Variants in CAMSAP3 observed in about 807,000 individuals in gnomAD.
CAMSAP3 encodes the protein calmodulin regulated spectrin associated protein family member 3.
A neutral mutation model predicts 112.5 loss-of-function variants in CAMSAP3; 34 were observed. That is an observed-to-expected ratio of 0.30 (90% CI 0.23 to 0.40). CAMSAP3 has a LOEUF of 0.40. Among genes scored for constraint, CAMSAP3 ranks in the 10% least tolerant of loss-of-function variants. CAMSAP3 has a pLI of 1.00. For synonymous variants in CAMSAP3, 868 were observed against 799.8 expected, an observed-to-expected ratio of 1.09 and a Z score of -1.44; for missense variants, 1,602 against 1,770.3, an observed-to-expected ratio of 0.90 and a Z score of 1.71.
At chr19:7,601,192 TA>T (rs1243898360) in intron 1 of CAMSAP3, among the ~76,000 whole-genome samples, 1 of 152,222 alleles carries the variant, frequency 6.6e-6, no homozygotes, top group Non-Finnish European at 1.5e-5. Flanking sequence ...GATTACATGT[TA>T]AAATAAGAGT....
rs1239121951 is a variant in CAMSAP3 at position 7,612,920 on chromosome 19, C to T, written c.2427C>T (p.His809=). 2 of 1,610,028 alleles carry T rather than the reference C, an allele frequency of 1.2e-6. No homozygotes were observed. The highest frequency in any genetic ancestry group is 1.1e-5 in the South Asian group (1 of 90,886). The part of the protein sequence containing the change: ...TPPHDVDSLP[H]LRKFSPSQVP... ...CCCACGACGTAGACAGCCTCCCCCA[C>T]CTGCGCAAGTTCTCGCCGAGCCAGG... Residue 809 remains histidine, a synonymous_variant, in exon 11 of 17, where the codon CAC becomes CAT. Transcript: ENST00000160298.
Position 7,611,442 on chromosome 19 carries a change from G to A in CAMSAP3, c.1124-75G>A. The A allele has an allele frequency of 7.1e-7, 1 of 1,408,610 alleles. No individual in the cohort carries two copies. The highest frequency in any genetic ancestry group is 9.7e-7 in the Non-Finnish European group (1 of 1,032,022). 87.3% of individuals were successfully genotyped at this position (1,408,610 alleles called of 1,614,324 possible). ...TGACTCACCCAATGACCTTGCAGAG[G>A]TTGTCCCCAGATGCTGGCTGACCCC... On this transcript the variant is annotated intron_variant, in intron 9 of 16. Coordinates refer to ENST00000160298, the MANE Select transcript of CAMSAP3 (RefSeq NM_020902.2). The surrounding 1 kb of genome is among the most constrained non-coding windows in gnomAD (Gnocchi z 6.9).
At position 7,617,293 on chromosome 19, in the gene CAMSAP3, CCCCACCTCCATCCCATCCTTCT is replaced by C; in HGVS notation, c.3213-27_3213-6del. Reference sequence around the variant, plus strand: ...TGACCCCACCTCCATCCCATCCTGACCCCACCTCCATCCCATCCTTCTCCCACTGCAGGGCTCCCTCCCCGTC... The same window carrying C: ...TGACCCCACCTCCATCCCATCCTGACCCCACTGCAGGGCTCCCTCCCCGTC... On this transcript the variant is annotated splice_polypyrimidine_tract_variant and intron_variant, in intron 14 of 16. Transcript: ENST00000160298. The surrounding 1 kb of genome is among the most constrained non-coding windows in gnomAD (Gnocchi z 7.5). 6.7e-7 allele frequency: 1 copy of C among 1,497,468 alleles called. No homozygotes were observed. Among genetic ancestry groups the C allele is most frequent in the African/African-American group, 1.4e-5 (1 of 72,726 alleles). The allele number at this position is 1,497,468 out of a possible 1,614,324, so 92.8% of individuals were successfully genotyped here. A position where few individuals can be genotyped will look rare whatever the true frequency, so the allele number is the denominator to read the frequency against.
In CAMSAP3 at chr19:7,615,399, G is replaced by A. The variant is rs905366216; in HGVS notation, c.2811-19G>A. 1.9e-6 allele frequency: 3 copies of A among 1,538,722 alleles called. No individual in the cohort carries two copies. Among genetic ancestry groups the A allele is most frequent in the Admixed American group, 2.0e-5 (1 of 50,276 alleles). On this transcript the variant is annotated intron_variant, in intron 12 of 16. Transcript: ENST00000160298. This position sits in a 1 kb window ranked among gnomAD's most constrained non-coding sequence, Gnocchi z 6.5. ...GGACCCCGTGAGCGGTTCTGATGCC[G>A]ATTCCCTGTGATCTGCAGGCTGGCC...
At chr19:7,616,403 A>C in intron 13 of CAMSAP3, 120 bp from the exon 14 acceptor site, 1 of 731,398 alleles carries the variant, frequency 1.4e-6, no homozygotes, top group Non-Finnish European at 2.4e-6. Flanking sequence ...GGTGCTGCAG[A>C]GGGCCGAGGG....
chr19:7,597,705 G>A (rs907787301), intron 1 of CAMSAP3, among the ~76,000 whole-genome samples: 2 of 152,210 alleles, frequency 1.3e-5, no homozygotes, highest in African/African-American at 4.8e-5. Context: ...ACGGTTGCTC[G>A]CTGCTGGTGT....
In CAMSAP3 at chr19:7,618,078, GGCCGGGCCCTGTGTGCTGCGGCC is replaced by G. The variant is rs1568451173; in HGVS notation, c.*25_*47del. ...AATAGCCCCACCCGGGCGGTCCACG[GGCCGGGCCCTGTGTGCTGCGGCC>G]GCCATCCCCTGGAGGACAGTCAGTC... is the stretch of plus-strand genomic sequence containing the variant. On this transcript the variant is annotated 3_prime_UTR_variant, in exon 17 of 17. Transcript: ENST00000160298. 1 of 1,600,718 alleles carries G rather than the reference GGCCGGGCCCTGTGTGCTGCGGCC, an allele frequency of 6.2e-7. No homozygotes were observed. The highest frequency in any genetic ancestry group is 8.5e-7 in the Non-Finnish European group (1 of 1,173,874).
intron 2 of CAMSAP3, 113 bp from the exon 3 acceptor site, chr19:7,606,158 C>A: frequency 4.9e-6 from 3 of 612,040 alleles, no homozygotes; most frequent in Non-Finnish European, 8.2e-6. Flanking sequence ...CAAGCCCCAC[C>A]CCCCCCGTCA....
At chr19:7,616,453 G>A in intron 13 of CAMSAP3, 70 bp from the exon 14 acceptor site, 1 of 1,107,450 alleles carries the variant, frequency 9.0e-7, no homozygotes, top group Non-Finnish European at 1.4e-6. Flanking sequence ...TCCCCCCACA[G>A]CCTGCTGGAC....
chr19:7,611,266 CCT>C lies in CAMSAP3; in HGVS notation c.1123+102_1123+103del. 8.1e-7 allele frequency: 1 copy of C among 1,235,612 alleles called. No individual in the cohort carries two copies. The highest frequency in any genetic ancestry group is 1.2e-6 in the Non-Finnish European group (1 of 854,306). The allele number at this position is 1,235,612 out of a possible 1,614,324, so 76.5% of individuals were successfully genotyped here. On this transcript the variant is annotated intron_variant, in intron 9 of 16. Coordinates refer to ENST00000160298, the MANE Select transcript of CAMSAP3 (RefSeq NM_020902.2). This position sits in a 1 kb window ranked among gnomAD's most constrained non-coding sequence, Gnocchi z 6.9. The stretch of plus-strand genomic sequence containing the variant: ...TGTCTCCTCGTGAGCCTTCCAATAG[CCT>C]CTCCATCAGATCCCCCTTGGGCATC...
chr19:7,615,444 C>T lies in CAMSAP3; in HGVS notation c.2837C>T (p.Pro946Leu). The T allele has an allele frequency of 6.5e-7, 1 of 1,541,000 alleles. No individual in the cohort carries two copies. The highest frequency in any genetic ancestry group is 8.7e-7 in the Non-Finnish European group (1 of 1,146,174). The change falls in exon 13 of 17, where the codon CCA becomes CTA. Residue 946 changes from proline to leucine, a missense_variant. Physicochemically the swap from Pro to Leu is moderately conservative, Grantham distance 98. Around this residue, in one of 6 missense-constraint regions of CAMSAP3, gnomAD observed 1,100 missense variants for 1,135.7 expected, o/e 0.97. Transcript: ENST00000160298. This position sits in a 1 kb window ranked among gnomAD's most constrained non-coding sequence, Gnocchi z 6.5. ...ARLAQEEAPGPAPLVSAVPMA... is the reference protein window; with the variant it reads ...ARLAQEEAPGLAPLVSAVPMA... The stretch of plus-strand genomic sequence containing the variant: ...CTGGCCCAAGAGGAGGCCCCGGGCC[C>T]AGCCCCGCTTGTGTCCGCAGTCCCG...
rs372969880 is a variant in CAMSAP3 at position 7,608,284 on chromosome 19, A to C, written c.760+20A>C. ...TTGAGGGTGAGTAAATGGATGTGGA[A>C]CAGATCTTGTGCCGGGGAGCTGGGC... On this transcript the variant is annotated intron_variant, in intron 5 of 16. Transcript: ENST00000160298. 322 of 1,601,558 alleles carry C rather than the reference A, an allele frequency of 2.0e-4. 2 individuals are homozygous for C. The East Asian group carries it at 4.3e-3, about 22-fold the overall frequency.
chr19:7,616,603 G>C lies in CAMSAP3; in HGVS notation c.3193G>C (p.Val1065Leu). The C allele has an allele frequency of 6.2e-7, 1 of 1,609,582 alleles. No homozygotes were observed. The highest frequency in any genetic ancestry group is 1.1e-5 in the South Asian group (1 of 91,062). ...CAACGAGGCCCACAATAACCTCGGG[G>C]TGAAGAGGCCCACGTCTCGGTGAGT... ...VANEAHNNLG[V>L]KRPTSRAPSP... The change falls in exon 14 of 17, where the codon GTG becomes CTG. Residue 1065 changes from valine to leucine, a missense_variant. Transcript: ENST00000160298.
At chr19:7,606,723 G>T (rs1473971189) in intron 4 of CAMSAP3, 152 bp downstream of exon 4, 4 of 1,611,794 alleles carry the variant, frequency 2.5e-6, no homozygotes, top group Non-Finnish European at 3.4e-6. Context: ...TCTGTGCCCT[G>T]CCCGTCCCCT....
At position 7,618,200 on chromosome 19, in the gene CAMSAP3, C is replaced by T; in HGVS notation, c.*143C>T. On this transcript the variant is annotated 3_prime_UTR_variant, in exon 17 of 17. Coordinates refer to ENST00000160298, the MANE Select transcript of CAMSAP3 (RefSeq NM_020902.2). ...AGTCTCCACCCTCTGACTTTGAGTC[C>T]AGTCCTGCTGTGGGGGCTGAGCTGG... 1 of 911,658 alleles carries T rather than the reference C, an allele frequency of 1.1e-6. No individual in the cohort carries two copies. The highest frequency in any genetic ancestry group is 1.6e-6 in the Non-Finnish European group (1 of 616,656). The allele number at this position is 911,658 out of a possible 1,614,324, so 56.5% of individuals were successfully genotyped here. A position where few individuals can be genotyped will look rare whatever the true frequency, so the allele number is the denominator to read the frequency against.
intron 2 of CAMSAP3, 72 bp from the exon 3 acceptor site, chr19:7,606,199 C>G: frequency 8.4e-7 from 1 of 1,188,866 alleles, no homozygotes. Flanking sequence ...TCTTCCTTTT[C>G]CCAGGCCCTT....
rs759080906 is a variant in CAMSAP3 at position 7,611,483 on chromosome 19, G to A, written c.1124-34G>A. ...GGCTGACCCCACTCAGGGTTCCCAG[G>A]GTCCCCATAGTGACCACTCATCGCC... On this transcript the variant is annotated intron_variant, in intron 9 of 16. Transcript: ENST00000160298. This position sits in a 1 kb window ranked among gnomAD's most constrained non-coding sequence, Gnocchi z 6.9. The A allele has an allele frequency of 1.7e-5, 27 of 1,562,512 alleles. No homozygotes were observed. Among genetic ancestry groups the A allele is most frequent in the Non-Finnish European group, 2.3e-5 (26 of 1,153,334 alleles).
chr19:7,617,540 T>G lies in CAMSAP3; in HGVS notation c.3326-3T>G. The G allele has an allele frequency of 6.3e-7, 1 of 1,575,692 alleles. No homozygotes were observed. The highest frequency in any genetic ancestry group is 8.7e-7 in the Non-Finnish European group (1 of 1,145,110). On this transcript the variant is annotated splice_polypyrimidine_tract_variant and splice_region_variant and intron_variant, in intron 15 of 16. Transcript: ENST00000160298. The surrounding 1 kb of genome is among the most constrained non-coding windows in gnomAD (Gnocchi z 7.5). ...CACCCCCTCCCACTGCCTCACCCTC[T>G]AGGTCCACGGCTGTACAAAGAACCC...
chr19:7,612,950 C>A lies in CAMSAP3; in HGVS notation c.2457C>A (p.Pro819=), dbSNP rs747913590. ...GCAAGTTCTCGCCGAGCCAGGTGCC[C>A]GTGCAGACGCGCTCTTCCATCCTCC... ...HLRKFSPSQV[P]VQTRSSILLA... Residue 819 remains proline (P), a synonymous_variant, in exon 11 of 17, where the codon CCC becomes CCA. Transcript: ENST00000160298. The A allele has an allele frequency of 2.5e-6, 4 of 1,607,380 alleles. No individual in the cohort carries two copies. In the East Asian group the frequency reaches 6.8e-5, roughly 27 times the overall value.
Sources: allele counts gnomAD v4.1 joint callset (sites outside exome capture counted in the v4.1 genomes callset), GRCh38; gene constraint gnomAD v4.1.1; regional missense constraint gnomAD v4.1.1; non-coding constraint Gnocchi (gnomAD v3.1); transcripts MANE v1.5; gene names NCBI Gene and HGNC (gene_info 2026-07-23, HGNC 2026-07-21).